Variants in APBB2 observed in about 807,000 individuals in gnomAD.
The protein encoded by APBB2 is amyloid beta precursor protein binding family B member 2.
In APBB2, 38 loss-of-function variants were observed where a neutral mutation model predicts 82.5. The ratio of observed to expected loss-of-function variants is 0.46; its 90% CI spans 0.36 to 0.60. The LOEUF (loss-of-function observed/expected upper bound fraction) is 0.60. Among genes scored for constraint, APBB2 ranks in the 20% least tolerant of loss-of-function variants. APBB2 has a pLI of 0.00. For synonymous variants in APBB2, 341 were observed against 368.2 expected (o/e 0.93, Z 0.85); for missense variants, 772 against 972.3 (o/e 0.79, Z 2.74).
chr4:41,102,161 C>T (rs987225341), intron 2 of APBB2, among the ~76,000 whole-genome samples: 6 of 151,994 alleles, frequency 3.9e-5, no homozygotes, highest in South Asian at 2.1e-4. Context: ...TTCTAAGAAG[C>T]GTGATACACT....
intron 6 of APBB2, among the ~76,000 whole-genome samples, chr4:40,971,007 G>C (rs985961033): frequency 2.0e-5 from 3 of 152,150 alleles, no homozygotes; most frequent in Admixed American, 6.5e-5. Context: ...TTTATTTACA[G>C]TTTATGTCTC....
chr4:41,043,307 G>T (rs1722208238), intron 4 of APBB2, among the ~76,000 whole-genome samples: 1 of 152,180 alleles, frequency 6.6e-6, no homozygotes, highest in African/African-American at 2.4e-5. Flanking sequence ...GGAATACTAT[G>T]CATCACTTAA....
At chr4:41,165,408 G>A (rs1766251087) in intron 1 of APBB2, among the ~76,000 whole-genome samples, 1 of 152,170 alleles carries the variant, frequency 6.6e-6, no homozygotes, top group Admixed American at 6.5e-5. Context: ...TCACCCAGGG[G>A]CCACCATGAG....
chr4:41,187,762 C>CAG, intron 1 of APBB2, among the ~76,000 whole-genome samples: 1 of 152,230 alleles, frequency 6.6e-6, no homozygotes, highest in South Asian at 2.1e-4. Flanking sequence ...CTGAAAGATC[C>CAG]TTAAACAGAC....
chr4:40,913,279 T>C (rs1365414288), intron 10 of APBB2, among the ~76,000 whole-genome samples: 1 of 151,926 alleles, frequency 6.6e-6, no homozygotes, highest in Non-Finnish European at 1.5e-5. Flanking sequence ...GTAACAGGTA[T>C]ATTTGCAATA....
chr4:40,978,157 G>A (rs536568303), intron 6 of APBB2, among the ~76,000 whole-genome samples: 2 of 152,304 alleles, frequency 1.3e-5, no homozygotes, highest in African/African-American at 4.8e-5. Context: ...CAAAGATGTG[G>A]TGCCCAGACC....
chr4:41,161,973 T>C, intron 1 of APBB2, among the ~76,000 whole-genome samples: 1 of 152,124 alleles, frequency 6.6e-6, no homozygotes, highest in East Asian at 1.9e-4. Flanking sequence ...TTACCTTATT[T>C]CCACATTTAT....
chr4:41,210,759 TA>T (rs1423812353), intron 1 of APBB2, among the ~76,000 whole-genome samples: 2 of 152,220 alleles, frequency 1.3e-5, no homozygotes, highest in African/African-American at 4.8e-5. Context: ...AAAGATGCTT[TA>T]AAAGAGAATG....
chr4:41,159,944 AG>A lies in APBB2; in HGVS notation c.-416-16803del, dbSNP rs1560912801. ...GAGGAGGAGGAGGAGGAGGAGGAGG[AG>A]AAGGAGAAGGAGAAGGAGAAGAAGA... On this transcript the variant is annotated intron_variant, in intron 1 of 17. Coordinates refer to ENST00000508593, the MANE Select transcript of APBB2 (RefSeq NM_004307.2). Among the ~76,000 whole-genome samples the A allele has an allele frequency of 5.4e-5, 2 of 37,176 alleles. 1 individual carries two copies. The highest frequency in any genetic ancestry group is 1.1e-4 in the Non-Finnish European group (2 of 18,018). The allele number at this position is 37,176 out of a possible 152,430, so 24.4% of individuals were successfully genotyped here.
Position 41,033,619 on chromosome 4 carries a change from CACAA to C in APBB2, c.-50-319_-50-316del, listed in dbSNP as rs1234036935. Among the ~76,000 whole-genome samples the C allele has an allele frequency of 4.3e-5, 6 of 140,812 alleles. No homozygotes were observed. The East Asian group carries it at 1.1e-3, about 26-fold the overall frequency. 92.4% of individuals were successfully genotyped at this position (140,812 alleles called of 152,430 possible). The stretch of plus-strand genomic sequence containing the variant: ...ACACACACACACACACACACACACA[CACAA>C]TTCAGCACCACTACAGAAAAAAAAA... On this transcript the variant is annotated intron_variant, in intron 4 of 17. Coordinates refer to ENST00000508593, the MANE Select transcript of APBB2 (RefSeq NM_004307.2).
chr4:40,930,154 ATT>A (rs1783716082), intron 10 of APBB2, among the ~76,000 whole-genome samples: 2 of 152,210 alleles, frequency 1.3e-5, no homozygotes, highest in Non-Finnish European at 2.9e-5. Context: ...TGATATCAAT[ATT>A]AATGTCTTAG....
chr4:41,099,857 G>A (rs889329397), intron 3 of APBB2, among the ~76,000 whole-genome samples: 2 of 152,038 alleles, frequency 1.3e-5, no homozygotes, highest in African/African-American at 4.8e-5. Flanking sequence ...GAGGATATTT[G>A]TGTATGTTTC....
chr4:40,919,169 G>C (rs1478219501), intron 10 of APBB2, among the ~76,000 whole-genome samples: 1 of 152,044 alleles, frequency 6.6e-6, no homozygotes, highest in Non-Finnish European at 1.5e-5. Flanking sequence ...ATGTGCTCCA[G>C]AGTAAAGAAA....
At chr4:41,073,385 T>C (rs1285513592) in intron 3 of APBB2, among the ~76,000 whole-genome samples, 1 of 152,242 alleles carries the variant, frequency 6.6e-6, no homozygotes, top group East Asian at 1.9e-4. Flanking sequence ...ATTTTCTCAC[T>C]TTAAGTTCAA....
chr4:41,100,730 AG>A lies in APBB2; in HGVS notation c.-241del, dbSNP rs1440652243. 6.6e-6 allele frequency: 1 copy of A among 152,208 alleles called. No homozygotes were observed. The highest frequency in any genetic ancestry group is 1.5e-5 in the Non-Finnish European group (1 of 68,036). The allele number at this position is 152,208 out of a possible 1,614,324, so 9.4% of individuals were successfully genotyped here. A position where few individuals can be genotyped will look rare whatever the true frequency, so the allele number is the denominator to read the frequency against. On this transcript the variant is annotated 5_prime_UTR_variant, in exon 3 of 18. Coordinates refer to ENST00000508593, the MANE Select transcript of APBB2 (RefSeq NM_004307.2). ...TTAATAGCAAGCACCCAAGGAGGTCAGGCAGCCCAAAGAGATCGATCTAGAA... is the reference window on the plus strand; with the variant it reads ...TTAATAGCAAGCACCCAAGGAGGTCAGCAGCCCAAAGAGATCGATCTAGAA...
intron 6 of APBB2, among the ~76,000 whole-genome samples, chr4:40,954,577 C>T (rs1791084272): frequency 6.6e-6 from 1 of 152,160 alleles, no homozygotes; most frequent in Non-Finnish European, 1.5e-5. Context: ...TGGGGAGCCT[C>T]GGTCACTCTG....
chr4:41,171,197 A>C (rs938027022), intron 1 of APBB2, among the ~76,000 whole-genome samples: 8 of 152,238 alleles, frequency 5.3e-5, no homozygotes, highest in Admixed American at 1.3e-4. Context: ...GGTTAACAAG[A>C]ATCTGCTCCC....
chr4:40,921,849 G>A lies in APBB2; in HGVS notation c.1254+12607C>T, dbSNP rs563341235. The stretch of plus-strand genomic sequence containing the variant: ...TCCAGCTTTGCTAGAGACAAGGGTC[G>A]CTTGCAGTTCAACCTGACCATTGGT... On this transcript the variant is annotated intron_variant, in intron 10 of 17. Transcript: ENST00000508593. Among the ~76,000 whole-genome samples, 5 of 152,282 alleles carry A rather than the reference G, an allele frequency of 3.3e-5. No homozygotes were observed. The South Asian group carries it at 8.3e-4, about 25-fold the overall frequency.
chr4:41,053,650 A>T (rs1726855363), intron 4 of APBB2, among the ~76,000 whole-genome samples: 1 of 152,224 alleles, frequency 6.6e-6, no homozygotes. Context: ...TTTCCTATAA[A>T]GCCATAAATA....
Sources: allele counts gnomAD v4.1 joint callset (sites outside exome capture counted in the v4.1 genomes callset), GRCh38; gene constraint gnomAD v4.1.1; transcripts MANE v1.5; gene names NCBI Gene and HGNC (gene_info 2026-07-23, HGNC 2026-07-21).